Variants in LIG1 observed in about 807,000 individuals in gnomAD.
LIG1 encodes ligase I, DNA, ATP-dependent.
LIG1 carries 70 observed loss-of-function variants against 115.7 expected under a neutral mutation model. The ratio of observed to expected loss-of-function variants is 0.60; its 90% confidence interval spans 0.50 to 0.74. LIG1 has a LOEUF of 0.74. Among genes scored for constraint, LIG1 ranks in the 30% least tolerant of loss-of-function variants. The probability of loss-of-function intolerance (pLI) is 0.00; values close to 1 mark genes in which losing one functional copy is unlikely to be tolerated. For synonymous variants in LIG1, 487 were observed against 495.3 expected (o/e 0.98, Z 0.22); for missense variants, 1,115 against 1,225.6 (o/e 0.91, Z 1.35).
chr19:48,162,136 C>T (rs572190131), intron 3 of LIG1, 126 bp downstream of exon 3: 3 of 822,954 alleles, frequency 3.6e-6, no homozygotes, highest in Admixed American at 3.5e-5. Flanking sequence ...TCTTGGACTT[C>T]TGGCCACCTG....
At chr19:48,154,860 T>G (rs1032177335) in intron 5 of LIG1, among the ~76,000 whole-genome samples, 1 of 152,180 alleles carries the variant, frequency 6.6e-6, no homozygotes. Flanking sequence ...CCACATTCTC[T>G]GCTTTATCCA....
chr19:48,116,517 CT>C (rs2032845723), intron 26 of LIG1, among the ~76,000 whole-genome samples: 1 of 151,288 alleles, frequency 6.6e-6, no homozygotes, highest in Non-Finnish European at 1.5e-5. Context: ...GGCTGAGAGG[CT>C]GAACTACGGC....
At chr19:48,120,132 C>A in intron 24 of LIG1, 2 of 968,200 alleles carry the variant, frequency 2.1e-6, no homozygotes, top group South Asian at 9.6e-5. Flanking sequence ...TGTCACTGAT[C>A]GTTTAGGTTA....
intron 11 of LIG1, 91 bp from the exon 12 acceptor site, chr19:48,140,234 A>G (rs1205256666): frequency 3.6e-6 from 3 of 829,020 alleles, no homozygotes; most frequent in African/African-American, 1.7e-5. Flanking sequence ...TGGACACTAG[A>G]AAGAAATGGA....
At chr19:48,119,015 G>T in intron 25 of LIG1, 122 bp downstream of exon 25, 1 of 762,410 alleles carries the variant, frequency 1.3e-6, no homozygotes. Flanking sequence ...ACTGCCTGCT[G>T]CCCTCCTGCC....
chr19:48,122,816 G>A lies in LIG1; in HGVS notation c.2232+118C>T. On this transcript the variant is annotated intron_variant, in intron 23 of 27. Coordinates refer to ENST00000263274, the MANE Select transcript of LIG1 (RefSeq NM_000234.3). This position sits in a 1 kb window ranked among gnomAD's most constrained non-coding sequence, Gnocchi z 4.3. ...TGCAGCAGGGGGCTGGGGTGGGATT[G>A]TGAAAAGGGGCCCTGAGCTCAGACA... 1.1e-6 allele frequency: 1 copy of A among 937,274 alleles called. No homozygotes were observed. Among genetic ancestry groups the A allele is most frequent in the Non-Finnish European group, 1.8e-6 (1 of 563,856 alleles). The allele number at this position is 937,274 out of a possible 1,614,324, so 58.1% of individuals were successfully genotyped here.
chr19:48,159,191 C>A (rs1338972179), intron 4 of LIG1, among the ~76,000 whole-genome samples: 1 of 152,046 alleles, frequency 6.6e-6, no homozygotes, highest in Non-Finnish European at 1.5e-5. Context: ...AATTCTCCTG[C>A]CTCAGCCTCC....
intron 1 of LIG1, among the ~76,000 whole-genome samples, chr19:48,167,171 A>AT (rs2036530285): frequency 1.3e-5 from 2 of 150,866 alleles, no homozygotes; most frequent in Non-Finnish European, 3.0e-5. Flanking sequence ...AAAAAATTAT[A>AT]AATTTTCTAT....
At chr19:48,135,182 C>T (rs543235621) in intron 16 of LIG1, among the ~76,000 whole-genome samples, 4 of 152,210 alleles carry the variant, frequency 2.6e-5, no homozygotes, top group Non-Finnish European at 5.9e-5. Context: ...CACTCTGTTG[C>T]CCAGGCTGGA....
rs760974318 is a variant in LIG1 at position 48,151,274 on chromosome 19, C to G, written c.532G>C (p.Gly178Arg). Residue 178 changes from glycine to arginine, a missense_variant, in exon 7 of 28, where the codon GGG (glycine) becomes CGG (arginine). Physicochemically the swap from Gly to Arg is moderately radical, Grantham distance 125 (BLOSUM62 -2). Coordinates refer to ENST00000263274, the MANE Select transcript of LIG1 (RefSeq NM_000234.3). ...EVATEKEGED[G>R]DQPTTPPKPL... ...TTGGGAGGCGTGGTGGGCTGGTCCC[C>G]GTCTTCTCCTTCCTTCTCTGTGGCC... 2.5e-6 allele frequency: 4 copies of G among 1,613,520 alleles called. No homozygotes were observed. Among genetic ancestry groups the G allele is most frequent in the African/African-American group, 1.3e-5 (1 of 74,802 alleles).
intron 7 of LIG1, among the ~76,000 whole-genome samples, chr19:48,150,826 T>G (rs1399538136): frequency 1.3e-5 from 2 of 151,858 alleles, no homozygotes; most frequent in Non-Finnish European, 1.5e-5. Flanking sequence ...GCCTCCCAAG[T>G]AGCTGGAACT....
At chr19:48,160,644 CAG>C (rs1225542499) in intron 4 of LIG1, among the ~76,000 whole-genome samples, 2 of 152,158 alleles carry the variant, frequency 1.3e-5, no homozygotes, top group African/African-American at 2.4e-5. Flanking sequence ...ATGACTTAAA[CAG>C]GGGAAGAGAG....
chr19:48,149,451 G>A (rs1224150060), intron 9 of LIG1, among the ~76,000 whole-genome samples: 1 of 152,168 alleles, frequency 6.6e-6, no homozygotes, highest in Non-Finnish European at 1.5e-5. Flanking sequence ...CTGGGTGTTA[G>A]AAAGATCCCC....
chr19:48,142,582 T>C (rs1311870904), intron 11 of LIG1, among the ~76,000 whole-genome samples: 2 of 151,586 alleles, frequency 1.3e-5, no homozygotes, highest in African/African-American at 4.9e-5. Context: ...TCAACCAACA[T>C]GGACACATGT....
At chr19:48,130,982 C>A in intron 19 of LIG1, 94 bp downstream of exon 19, 1 of 986,494 alleles carries the variant, frequency 1.0e-6, no homozygotes, top group East Asian at 2.4e-5. Flanking sequence ...CCCAATAAAC[C>A]CCGCACTGTG....
At chr19:48,117,955 G>A in intron 25 of LIG1, 174 bp from the exon 26 acceptor site, 3 of 658,396 alleles carry the variant, frequency 4.6e-6, no homozygotes, top group Non-Finnish European at 8.0e-6. Context: ...GAAGTAAACA[G>A]AAATAGAAAG....
At chr19:48,130,896 A>AG (rs1220475933) in intron 19 of LIG1, among the ~76,000 whole-genome samples, 180 bp downstream of exon 19, 1 of 152,160 alleles carries the variant, frequency 6.6e-6, no homozygotes, top group Admixed American at 6.5e-5. Context: ...TCTAGATGTG[A>AG]GAAAAAATCA....
chr19:48,134,984 C>T (rs1277596701), intron 16 of LIG1, among the ~76,000 whole-genome samples: 1 of 152,222 alleles, frequency 6.6e-6, no homozygotes, highest in African/African-American at 2.4e-5. Flanking sequence ...CTCTCTGGAG[C>T]CCTCGTGGCC....
rs769386440 is a variant in LIG1 at position 48,161,323 on chromosome 19, T to C, written c.243+49A>G. On this transcript the variant is annotated intron_variant, in intron 4 of 27. Transcript: ENST00000263274. ...TGCTGCACTCTGTTCCAAAGGTTAATGGGAATTAGTTTCTTCTGGTAAAAA... is the reference window on the plus strand; with the variant it reads ...TGCTGCACTCTGTTCCAAAGGTTAACGGGAATTAGTTTCTTCTGGTAAAAA... 3.1e-5 allele frequency: 50 copies of C among 1,612,830 alleles called. No individual in the cohort carries two copies. In the Middle Eastern group the frequency reaches 9.9e-4, roughly 32 times the overall value.
Sources: gnomAD v4.1 joint callset for allele counts (sites outside exome capture counted in the v4.1 genomes callset) on GRCh38, gnomAD v4.1.1 for gene constraint, Gnocchi (gnomAD v3.1) non-coding constraint, MANE v1.5 for transcripts, NCBI Gene and HGNC (gene_info 2026-07-23, HGNC 2026-07-21) for gene names.